The following CFAP47 variants were observed in gnomAD, a reference collection of about 807,000 sequenced individuals.
CFAP47 encodes the protein cilia and flagella associated protein 47, also known as cilia- and flagella-associated protein 47.
Under a neutral mutation model 148.1 loss-of-function variants are expected in CFAP47, and 29 were observed. That is an observed-to-expected ratio of 0.20 (90% confidence interval 0.15 to 0.27). CFAP47 has a LOEUF of 0.27. Among genes scored for constraint, CFAP47 ranks in the 10% least tolerant of loss-of-function variants. The pLI, the probability that CFAP47 is intolerant of heterozygous loss-of-function variation, is 1.00. For synonymous variants in CFAP47, 664 were observed against 577.3 expected (o/e 1.15, Z -2.15); for missense variants, 1,872 against 1,697.5 (o/e 1.10, Z -1.81).
At chrX:36,138,743 T>C (rs1483540002) in intron 35 of CFAP47, among the ~76,000 whole-genome samples, 1 of 111,368 alleles carries the variant, frequency 9.0e-6, no homozygotes, top group African/African-American at 3.3e-5. Flanking sequence ...TGAATTATAA[T>C]CATTACTCAA....
chrX:36,332,006 C>T (rs1029393059), intron 57 of CFAP47, among the ~76,000 whole-genome samples: 12 of 112,066 alleles, frequency 1.1e-4, no homozygotes, highest in African/African-American at 3.9e-4. Context: ...CTATCTGGTA[C>T]ACTTTAAATA....
At chrX:36,051,868 G>A (rs1474344719) in intron 26 of CFAP47, among the ~76,000 whole-genome samples, 1 of 110,963 alleles carries the variant, frequency 9.0e-6, no homozygotes, top group African/African-American at 3.3e-5. Flanking sequence ...CCAGTCAGAG[G>A]TAATTGAATC....
intron 57 of CFAP47, among the ~76,000 whole-genome samples, chrX:36,334,666 A>G (rs1482512641): frequency 3.6e-5 from 4 of 110,228 alleles, no homozygotes; most frequent in Non-Finnish European, 7.6e-5. Context: ...TATCAAAGCA[A>G]CACTTATCAA....
chrX:35,964,831 T>A (rs1246645580), intron 8 of CFAP47, among the ~76,000 whole-genome samples: 1 of 112,003 alleles, frequency 8.9e-6, no homozygotes, highest in East Asian at 2.8e-4. Context: ...CCACACTTTA[T>A]TGAAATTGTG....
At chrX:36,352,511 ATAT>A (rs1430610482) in intron 59 of CFAP47, among the ~76,000 whole-genome samples, 3 of 111,233 alleles carry the variant, frequency 2.7e-5, no homozygotes, top group South Asian at 7.4e-4. Flanking sequence ...TTGTGTGAAT[ATAT>A]TATTATTGAT....
At chrX:36,378,183 T>C (rs1270882888) in intron 62 of CFAP47, among the ~76,000 whole-genome samples, 1 of 112,323 alleles carries the variant, frequency 8.9e-6, no homozygotes, top group African/African-American at 3.2e-5. Context: ...TTCTGTATTC[T>C]ACCAAGAAAT....
rs369684752 is a variant in CFAP47 at position 35,924,144 on chromosome X, T to C, written c.250-1873T>C. ...GCGTACATATATGTATATGTGTACA[T>C]GTATGCGTACATATATGTATATATG... On this transcript the variant is annotated intron_variant, in intron 1 of 63. Coordinates refer to ENST00000378653, the MANE Select transcript of CFAP47 (RefSeq NM_001304548.2). Among the ~76,000 whole-genome samples the C allele has an allele frequency of 4.9e-4, 48 of 98,587 alleles. 6 individuals carry two copies. Among genetic ancestry groups the C allele is most frequent in the South Asian group, 1.8e-3 (4 of 2,202 alleles). 85.6% of individuals were successfully genotyped at this position (98,587 alleles called of 115,157 possible).
At chrX:36,341,296 A>T (rs374830717) in intron 57 of CFAP47, among the ~76,000 whole-genome samples, 1 of 110,838 alleles carries the variant, frequency 9.0e-6, no homozygotes, top group East Asian at 2.8e-4. Flanking sequence ...CGGCCTCCCA[A>T]AGAGCTGGGA....
Position 36,138,027 on chromosome X carries a change from C to A in CFAP47, c.5390C>A (p.Thr1797Lys). Residue 1797 changes from threonine to lysine, a missense_variant, in exon 34 of 64, where the codon ACA becomes AAA. Transcript: ENST00000378653. ...CTTTCAGATGGTCTTGTTTTTGCAA[C>A]ACAGTTGGGAGCCTATTGCCCATTC... Reference protein sequence around the residue: ...KDLSDGLVFATQLGAYCPFLI... With the variant: ...KDLSDGLVFAKQLGAYCPFLI... 1 of 932,355 alleles carries A rather than the reference C, an allele frequency of 1.1e-6. No individual in the cohort carries two copies. The highest frequency in any genetic ancestry group is 1.5e-6 in the Non-Finnish European group (1 of 646,323). 76.8% of individuals were successfully genotyped at this position (932,355 alleles called of 1,213,427 possible).
intron 21 of CFAP47, among the ~76,000 whole-genome samples, chrX:36,013,451 C>T (rs1041316465): frequency 1.8e-5 from 2 of 111,514 alleles, no homozygotes; most frequent in Non-Finnish European, 3.8e-5. Context: ...GATATATGAA[C>T]AATTAACAAA....
At chrX:35,953,262 C>A (rs1936194542) in intron 6 of CFAP47, among the ~76,000 whole-genome samples, 3 of 111,849 alleles carry the variant, frequency 2.7e-5, no homozygotes, top group Non-Finnish European at 5.6e-5. Context: ...AATCAGAGTC[C>A]TTAGTTAGAG....
chrX:36,133,329 G>A (rs555727083), intron 33 of CFAP47, among the ~76,000 whole-genome samples: 1 of 111,227 alleles, frequency 9.0e-6, no homozygotes, highest in African/African-American at 3.3e-5. Flanking sequence ...TAGTGTTGCT[G>A]TAACAGAATA....
intron 48 of CFAP47, among the ~76,000 whole-genome samples, chrX:36,247,311 A>C (rs1555997267): frequency 2.7e-5 from 3 of 110,986 alleles, no homozygotes; most frequent in Admixed American, 9.7e-5. Flanking sequence ...TTGAAAAGCT[A>C]CCTATTAGGT....
intron 59 of CFAP47, among the ~76,000 whole-genome samples, chrX:36,350,384 G>A (rs782362572): frequency 9.0e-6 from 1 of 111,182 alleles, no homozygotes; most frequent in African/African-American, 3.3e-5. Context: ...ATTAACTTCA[G>A]ACTCCTTTAT....
chrX:35,980,984 CTCTT>C (rs1212233509), intron 15 of CFAP47, among the ~76,000 whole-genome samples: 2 of 110,161 alleles, frequency 1.8e-5, no homozygotes, highest in African/African-American at 6.6e-5. Context: ...TAAAATTGCT[CTCTT>C]TGTCTTTCCA....
intron 57 of CFAP47, among the ~76,000 whole-genome samples, chrX:36,346,604 A>T (rs189781425): frequency 1.3e-4 from 14 of 111,455 alleles, no homozygotes; most frequent in South Asian, 3.8e-4. Flanking sequence ...GTCTAGAGAA[A>T]CATATACGAG....
chrX:36,138,803 A>G (rs1479393087), intron 35 of CFAP47, among the ~76,000 whole-genome samples: 3 of 105,651 alleles, frequency 2.8e-5, no homozygotes, highest in African/African-American at 1.2e-4. Flanking sequence ...TAGATGTCAT[A>G]TTATTATCTT....
At chrX:36,344,230 T>TAAA (rs200163584) in intron 57 of CFAP47, among the ~76,000 whole-genome samples, 69 of 36,566 alleles carry the variant, frequency 1.9e-3, no homozygotes, top group South Asian at 9.0e-3. Context: ...TAAAGTATAA[T>TAAA]AAAAAAAAGA....
intron 2 of CFAP47, among the ~76,000 whole-genome samples, chrX:35,928,709 T>C (rs1433539324): frequency 1.8e-5 from 2 of 111,428 alleles, no homozygotes; most frequent in Non-Finnish European, 3.8e-5. Context: ...GTACTGCTTT[T>C]AGTGTTAAGT....
Sources: allele counts gnomAD v4.1 joint callset (sites outside exome capture counted in the v4.1 genomes callset), GRCh38; gene constraint gnomAD v4.1.1; transcripts MANE v1.5; gene names NCBI Gene and HGNC (gene_info 2026-07-23, HGNC 2026-07-21).